KIF5C: variants seen among roughly 807,000 people sequenced by gnomAD.
KIF5C encodes kinesin heavy chain isoform 5C.
A neutral mutation model predicts 125.2 loss-of-function variants in KIF5C; 18 were observed. The ratio of observed to expected loss-of-function variants is 0.14; its 90% CI spans 0.10 to 0.21. The LOEUF (loss-of-function observed/expected upper bound fraction) is 0.21. Ranked by LOEUF, KIF5C falls within the 10% of genes least tolerant of loss-of-function variation. The pLI, the probability that KIF5C is intolerant of heterozygous loss-of-function variation, is 1.00. For synonymous variants in KIF5C, 405 were observed against 434.0 expected (o/e 0.93, Z 0.83); for missense variants, 780 against 1,183.8 (o/e 0.66, Z 5.01).
chr2:148,950,680 G>C (rs1682636752), intron 10 of KIF5C, among the ~76,000 whole-genome samples: 1 of 152,132 alleles, frequency 6.6e-6, no homozygotes, highest in Non-Finnish European at 1.5e-5. Context: ...GTGGTGGCAT[G>C]CGCCTGTGGT....
intron 2 of KIF5C, among the ~76,000 whole-genome samples, chr2:148,925,444 G>C (rs1681952502): frequency 6.6e-6 from 1 of 152,224 alleles, no homozygotes; most frequent in Non-Finnish European, 1.5e-5. Flanking sequence ...ATCAGGCACT[G>C]TCTATATACT....
chr2:148,941,807 G>C lies in KIF5C; in HGVS notation c.446-128G>C. 3 of 1,455,262 alleles carry C rather than the reference G, an allele frequency of 2.1e-6. No individual in the cohort carries two copies. In the East Asian group the frequency reaches 7.3e-5, roughly 35 times the overall value. The allele number at this position is 1,455,262 out of a possible 1,614,324, so 90.1% of individuals were successfully genotyped here. On this transcript the variant is annotated intron_variant, in intron 5 of 25. Transcript: ENST00000435030. ...AGGGTATATGTTTATTCTCAGCCAAGGCTTAAACTTGCATATTGCAAAGAG... is the reference window on the plus strand; with the variant it reads ...AGGGTATATGTTTATTCTCAGCCAACGCTTAAACTTGCATATTGCAAAGAG...
intron 1 of KIF5C, among the ~76,000 whole-genome samples, chr2:148,915,800 C>G (rs1681522433): frequency 6.6e-6 from 1 of 152,114 alleles, no homozygotes; most frequent in African/African-American, 2.4e-5. Context: ...AAGCGAAGGA[C>G]CCATATAGAG....
intron 11 of KIF5C, among the ~76,000 whole-genome samples, chr2:148,972,036 G>A (rs1311692995): frequency 2.6e-5 from 4 of 152,188 alleles, no homozygotes; most frequent in Non-Finnish European, 5.9e-5. Flanking sequence ...TCGGGTTCAA[G>A]CGACTCTTGT....
intron 5 of KIF5C, 80 bp downstream of exon 5, chr2:148,941,738 C>T: frequency 6.6e-7 from 1 of 1,511,072 alleles, no homozygotes; most frequent in Non-Finnish European, 8.9e-7. Context: ...CACACTTCTG[C>T]TTAAGGAATT....
chr2:148,978,848 G>A, intron 12 of KIF5C, 74 bp from the exon 13 acceptor site: 1 of 1,492,370 alleles, frequency 6.7e-7, no homozygotes, highest in Non-Finnish European at 9.0e-7. Context: ...TATGGTAGCT[G>A]CCTGTCACTG....
intron 3 of KIF5C, among the ~76,000 whole-genome samples, chr2:148,934,571 ACACT>A (rs1007814500): frequency 1.9e-4 from 28 of 147,450 alleles, no homozygotes; most frequent in South Asian, 8.7e-4. Context: ...ACACACACAC[ACACT>A]CTGCATACAT....
intron 10 of KIF5C, among the ~76,000 whole-genome samples, chr2:148,958,578 T>A (rs551421334): frequency 6.6e-6 from 1 of 152,338 alleles, no homozygotes; most frequent in South Asian, 2.1e-4. Flanking sequence ...ATTTTATATA[T>A]CTTCTCCCAC....
intron 11 of KIF5C, among the ~76,000 whole-genome samples, chr2:148,965,826 C>T (rs1167727722): frequency 6.6e-6 from 1 of 152,188 alleles, no homozygotes; most frequent in African/African-American, 2.4e-5. Context: ...TCTGCACAGC[C>T]TGCTCATCAA....
rs1368128866 is a variant in KIF5C at position 148,997,354 on chromosome 2, C to T, written c.2100+14C>T. On this transcript the variant is annotated intron_variant, in intron 18 of 25. Coordinates refer to ENST00000435030, the MANE Select transcript of KIF5C (RefSeq NM_004522.3). ...GAAGAAATGAAGGTGTGTGTGGCTG[C>T]CCCTTCCATCAAGCCCAGTGTGCAT... The T allele has an allele frequency of 3.7e-6, 6 of 1,613,806 alleles. No individual in the cohort carries two copies. The highest frequency in any genetic ancestry group is 4.2e-6 in the Non-Finnish European group (5 of 1,179,878).
intron 25 of KIF5C, among the ~76,000 whole-genome samples, chr2:149,016,071 T>C (rs1461907695): frequency 6.6e-6 from 1 of 152,202 alleles, no homozygotes; most frequent in Non-Finnish European, 1.5e-5. Flanking sequence ...AGTGGTTCGA[T>C]GATCACTCAA....
chr2:149,023,032 T>G (rs1022507369), intron 25 of KIF5C, 46 bp from the exon 26 acceptor site: 13 of 152,216 alleles, frequency 8.5e-5, no homozygotes, highest in African/African-American at 2.9e-4. Context: ...AAATTTCTAC[T>G]GTGTTTTCTA....
intron 2 of KIF5C, among the ~76,000 whole-genome samples, chr2:148,925,484 A>C (rs1231857978): frequency 6.6e-6 from 1 of 152,246 alleles, no homozygotes; most frequent in East Asian, 1.9e-4. Context: ...TTAAATCATA[A>C]CAACTTTCTG....
intron 1 of KIF5C, among the ~76,000 whole-genome samples, chr2:148,896,642 G>A (rs901874450): frequency 3.6e-4 from 55 of 152,176 alleles, no homozygotes; most frequent in African/African-American, 1.2e-3. Flanking sequence ...ATGCCTTGCT[G>A]GAACTGTCTG....
At chr2:148,959,511 C>G (rs767525919) in intron 10 of KIF5C, among the ~76,000 whole-genome samples, 1 of 152,096 alleles carries the variant, frequency 6.6e-6, no homozygotes, top group Non-Finnish European at 1.5e-5. Flanking sequence ...TCAGTGTAAG[C>G]TGATTTTTTC....
At chr2:148,959,613 G>A (rs1005107175) in intron 10 of KIF5C, among the ~76,000 whole-genome samples, 121 of 152,296 alleles carry the variant, frequency 7.9e-4, no homozygotes, top group African/African-American at 2.8e-3. Context: ...GATTCCCACT[G>A]TTATTTGAGT....
At chr2:148,928,698 G>T (rs1682095111) in intron 2 of KIF5C, among the ~76,000 whole-genome samples, 2 of 152,124 alleles carry the variant, frequency 1.3e-5, no homozygotes, top group African/African-American at 4.8e-5. Flanking sequence ...TTAAATTTAA[G>T]TGAGGGCCCG....
At chr2:148,932,857 G>A (rs1682211052) in intron 3 of KIF5C, among the ~76,000 whole-genome samples, 1 of 152,144 alleles carries the variant, frequency 6.6e-6, no homozygotes, top group Non-Finnish European at 1.5e-5. Flanking sequence ...TGCCCTGCTT[G>A]GGAGGTCAAG....
chr2:149,012,678 G>T (rs541783387), intron 25 of KIF5C, among the ~76,000 whole-genome samples: 1 of 152,256 alleles, frequency 6.6e-6, no homozygotes, highest in African/African-American at 2.4e-5. Context: ...GCTGCCCCAG[G>T]CAGTGCCAAC....
Sources: allele counts gnomAD v4.1 joint callset (sites outside exome capture counted in the v4.1 genomes callset), GRCh38; gene constraint gnomAD v4.1.1; transcripts MANE v1.5; gene names NCBI Gene and HGNC (gene_info 2026-07-23, HGNC 2026-07-21).